Variants in RNLS observed in about 807,000 individuals in gnomAD.
RNLS encodes renalase, FAD dependent amine oxidase, also known as renalase.
A neutral mutation model predicts 39.8 loss-of-function variants in RNLS; 39 were observed. That is an observed-to-expected ratio of 0.98 (90% confidence interval 0.76 to 1.28). The LOEUF (loss-of-function observed/expected upper bound fraction) is 1.28. Among genes scored for constraint, RNLS ranks in the 50% most tolerant of loss-of-function variants. The pLI is 0.00. For missense variants in RNLS, 410 were observed against 413.3 expected (o/e 0.99, Z 0.07); for synonymous variants, 147 against 150.7 (o/e 0.98, Z 0.18).
intron 4 of RNLS, among the ~76,000 whole-genome samples, chr10:88,363,558 G>C (rs992607644): frequency 1.1e-4 from 16 of 152,106 alleles, no homozygotes; most frequent in Non-Finnish European, 2.2e-4. Context: ...TACTTAAGCA[G>C]AGGGACCACA....
chr10:88,329,465 A>C (rs1846914928), intron 5 of RNLS, among the ~76,000 whole-genome samples: 4 of 149,528 alleles, frequency 2.7e-5, no homozygotes, highest in Admixed American at 2.7e-4. Context: ...TTATTCAGTT[A>C]TTTTAAGATT....
intron 4 of RNLS, among the ~76,000 whole-genome samples, chr10:88,394,520 C>A (rs792236): frequency 6.6e-6 from 1 of 151,892 alleles, no homozygotes; most frequent in Non-Finnish European, 1.5e-5. Flanking sequence ...GTTAGAATGG[C>A]GTTCATTAAA....
intron 4 of RNLS, among the ~76,000 whole-genome samples, chr10:88,527,748 C>A (rs1292461700): frequency 6.6e-6 from 1 of 151,494 alleles, no homozygotes; most frequent in East Asian, 1.9e-4. Flanking sequence ...GAATGGACAG[C>A]CAAGGGTCAC....
chr10:88,272,829 C>T (rs138508417), downstream of RNLS, among the ~76,000 whole-genome samples: 250 of 152,232 alleles, frequency 1.6e-3, 1 homozygote, highest in African/African-American at 5.7e-3. Flanking sequence ...TGGAAGCTGC[C>T]TTGAAAGTCT....
chr10:88,286,348 A>G (rs1368362605), intron 6 of RNLS, among the ~76,000 whole-genome samples: 7 of 152,022 alleles, frequency 4.6e-5, no homozygotes, highest in Non-Finnish European at 1.0e-4. Flanking sequence ...TTTTATTTTC[A>G]TATCTGAAAG....
chr10:88,337,000 TA>T lies in RNLS; in HGVS notation c.701-22360del, dbSNP rs558168277. ...GACACATTAGGTCATTAGGCTGACA[TA>T]GGGGTGAGGGATGACAGGCAAGGCT... is the stretch of plus-strand genomic sequence containing the variant. On this transcript the variant is annotated intron_variant, in intron 5 of 6. Coordinates refer to ENST00000331772, the MANE Select transcript of RNLS (RefSeq NM_001031709.3). 5.3e-5 allele frequency among the ~76,000 whole-genome samples: 8 copies of T among 152,038 alleles called. No homozygotes were observed. The South Asian group carries it at 1.5e-3, about 28-fold the overall frequency.
chr10:88,555,360 C>T (rs560911062), intron 4 of RNLS, among the ~76,000 whole-genome samples: 1 of 152,030 alleles, frequency 6.6e-6, no homozygotes, highest in East Asian at 1.9e-4. Context: ...ATGTGATCCT[C>T]GGTGTTGAAG....
intron 4 of RNLS, among the ~76,000 whole-genome samples, chr10:88,433,550 T>C (rs1214450585): frequency 6.6e-6 from 1 of 152,128 alleles, no homozygotes; most frequent in African/African-American, 2.4e-5. Flanking sequence ...GCAATTTTAC[T>C]AAAAATTATC....
the RNLS span, among the ~76,000 whole-genome samples, chr10:88,240,241 T>C: frequency 6.6e-6 from 1 of 152,196 alleles, no homozygotes; most frequent in African/African-American, 2.4e-5. Context: ...TCTCCTTATC[T>C]ATCCGTATAC....
intron 4 of RNLS, among the ~76,000 whole-genome samples, chr10:88,512,849 C>T (rs1846205829): frequency 6.6e-6 from 1 of 152,132 alleles, no homozygotes; most frequent in South Asian, 2.1e-4. Context: ...GTTACACCTA[C>T]GTTTCAACTA....
At chr10:88,369,276 C>T (rs1285997076) in intron 4 of RNLS, among the ~76,000 whole-genome samples, 1 of 152,138 alleles carries the variant, frequency 6.6e-6, no homozygotes, top group African/African-American at 2.4e-5. Flanking sequence ...CTTGCTCTCC[C>T]ATGTCCATTC....
At chr10:88,218,157 G>A in the RNLS span, among the ~76,000 whole-genome samples, 3 of 152,258 alleles carry the variant, frequency 2.0e-5, no homozygotes, top group Non-Finnish European at 4.4e-5. Context: ...TGGAATGGGT[G>A]CCCGCGCACT....
At chr10:88,295,531 A>G (rs1231371175) in intron 6 of RNLS, among the ~76,000 whole-genome samples, 1 of 152,068 alleles carries the variant, frequency 6.6e-6, no homozygotes, top group Non-Finnish European at 1.5e-5. Flanking sequence ...TGCTTTAGGG[A>G]AAGACTTACT....
At chr10:88,186,025 C>A in the RNLS span, among the ~76,000 whole-genome samples, 1 of 152,014 alleles carries the variant, frequency 6.6e-6, no homozygotes, top group Non-Finnish European at 1.5e-5. Flanking sequence ...TCTAATGAAG[C>A]AAGTTCGGAG....
the RNLS span, among the ~76,000 whole-genome samples, chr10:88,172,888 G>A: frequency 7.6e-5 from 6 of 79,428 alleles, no homozygotes; most frequent in Middle Eastern, 0.013. Context: ...ATGGAGTCTC[G>A]CTCTGTCGCC....
intron 4 of RNLS, among the ~76,000 whole-genome samples, chr10:88,521,469 C>T (rs1441442126): frequency 1.3e-5 from 2 of 151,860 alleles, no homozygotes; most frequent in East Asian, 1.9e-4. Context: ...TCAGTCTGTC[C>T]CTAATGGGCA....
chr10:88,399,979 T>A (rs1803432358), intron 4 of RNLS, among the ~76,000 whole-genome samples: 1 of 151,998 alleles, frequency 6.6e-6, no homozygotes, highest in South Asian at 2.1e-4. Flanking sequence ...ATTCCTTGCC[T>A]TGTGGCTATT....
chr10:88,182,461 T>C, the RNLS span, among the ~76,000 whole-genome samples: 24 of 152,152 alleles, frequency 1.6e-4, no homozygotes, highest in African/African-American at 5.8e-4. Flanking sequence ...GACTTTAGGA[T>C]AACTCAGCTA....
intron 5 of RNLS, among the ~76,000 whole-genome samples, chr10:88,342,529 T>C (rs1848026339): frequency 6.6e-6 from 1 of 152,124 alleles, no homozygotes; most frequent in South Asian, 2.1e-4. Flanking sequence ...TGCCAGGTGC[T>C]AGAGATACAA....
Sources: gnomAD v4.1 joint callset for allele counts (sites outside exome capture counted in the v4.1 genomes callset) on GRCh38, gnomAD v4.1.1 for gene constraint, MANE v1.5 for transcripts, NCBI Gene and HGNC (gene_info 2026-07-23, HGNC 2026-07-21) for gene names.